The following AGAP1 variants were observed in gnomAD, a reference collection of about 807,000 sequenced individuals.
The protein encoded by AGAP1 is arf-GAP with GTPase, ANK repeat and PH domain-containing protein 1.
A neutral mutation model predicts 105.3 loss-of-function variants in AGAP1; 29 were observed. The ratio of observed to expected loss-of-function variants is 0.28; its 90% CI spans 0.21 to 0.38. AGAP1 has a LOEUF of 0.38. Among genes scored for constraint, AGAP1 ranks in the 10% least tolerant of loss-of-function variants. AGAP1 has a pLI of 1.00. For synonymous variants in AGAP1, 509 were observed against 485.9 expected, an observed-to-expected ratio of 1.05 and a Z score of -0.63; for missense variants, 998 against 1,165.1, an observed-to-expected ratio of 0.86 and a Z score of 2.09.
Position 235,631,992 on chromosome 2 carries a change from T to G in AGAP1, c.164-77187T>G, listed in dbSNP as rs1314699307. Among the ~76,000 whole-genome samples the G allele has an allele frequency of 2.0e-5, 3 of 152,162 alleles. No individual in the cohort carries two copies. The highest frequency in any genetic ancestry group is 7.2e-5 in the African/African-American group (3 of 41,440). ...GGGACAGCAAGGGTCATGTTGGCAT[T>G]GGAAGGGGTCTGGGTTTATGGGGTC... On this transcript the variant is annotated intron_variant, in intron 1 of 17. Transcript: ENST00000304032. The surrounding 1 kb of genome is among the most constrained non-coding windows in gnomAD (Gnocchi z 5.4).
chr2:235,605,414 A>G (rs1251317953), intron 1 of AGAP1, among the ~76,000 whole-genome samples: 1 of 152,238 alleles, frequency 6.6e-6, no homozygotes, highest in Non-Finnish European at 1.5e-5. Flanking sequence ...GCCACATGCG[A>G]AGATTCTAGC....
At position 236,129,670 on chromosome 2, in the gene AGAP1, G is replaced by T. The variant is rs2060057009; in HGVS notation, c.*5548G>T. 1.3e-5 allele frequency: 2 copies of T among 152,172 alleles called. No homozygotes were observed. The highest frequency in any genetic ancestry group is 2.4e-5 in the African/African-American group (1 of 41,430). The allele number at this position is 152,172 out of a possible 1,614,324, so 9.4% of individuals were successfully genotyped here. On this transcript the variant is annotated 3_prime_UTR_variant, in exon 18 of 18. Coordinates refer to ENST00000304032, the MANE Select transcript of AGAP1 (RefSeq NM_001037131.3). The surrounding 1 kb of genome is among the most constrained non-coding windows in gnomAD (Gnocchi z 6.2). Reference sequence around the variant, plus strand: ...CACAAACTTTATTCCCCTTAGAGAAGAAATACTGCCCTTAAATAGACTGTT... The same window carrying T: ...CACAAACTTTATTCCCCTTAGAGAATAAATACTGCCCTTAAATAGACTGTT...
chr2:235,561,902 T>C (rs1380286735), intron 1 of AGAP1, among the ~76,000 whole-genome samples: 1 of 152,170 alleles, frequency 6.6e-6, no homozygotes, highest in Non-Finnish European at 1.5e-5. Context: ...TCTGTCATAT[T>C]TTACAAAATT....
chr2:235,568,474 C>A (rs999249726), intron 1 of AGAP1, among the ~76,000 whole-genome samples: 1 of 152,210 alleles, frequency 6.6e-6, no homozygotes, highest in Non-Finnish European at 1.5e-5. Flanking sequence ...GCCGCTAGCA[C>A]TTAGCATGTG....
rs371521112 is a variant in AGAP1 at position 235,713,899 on chromosome 2, G to A, written c.223-3658G>A. ...TGTGTCCTCACGTGGAGGAAGACGCGAGAGGTCTTTCTCAGGCCTCTTCTA... is the reference window on the plus strand; with the variant it reads ...TGTGTCCTCACGTGGAGGAAGACGCAAGAGGTCTTTCTCAGGCCTCTTCTA... On this transcript the variant is annotated intron_variant, in intron 2 of 17. Coordinates refer to ENST00000304032, the MANE Select transcript of AGAP1 (RefSeq NM_001037131.3). Among the ~76,000 whole-genome samples the A allele has an allele frequency of 1.8e-4, 27 of 152,316 alleles. 1 individual carries two copies. The East Asian group carries it at 4.6e-3, about 26-fold the overall frequency.
chr2:236,108,091 G>A (rs2059545382), intron 16 of AGAP1, among the ~76,000 whole-genome samples: 1 of 152,230 alleles, frequency 6.6e-6, no homozygotes, highest in African/African-American at 2.4e-5. Flanking sequence ...CAGTAATTAA[G>A]GAATAAATAT....
chr2:235,862,674 T>A (rs2048979126), intron 9 of AGAP1, among the ~76,000 whole-genome samples: 1 of 152,382 alleles, frequency 6.6e-6, no homozygotes, highest in East Asian at 1.9e-4. Flanking sequence ...TTTCTTTCTT[T>A]AATCAGGAGG....
Position 235,724,403 on chromosome 2 carries a change from C to A in AGAP1, c.310+6759C>A, listed in dbSNP as rs772074249. Among the ~76,000 whole-genome samples the A allele has an allele frequency of 6.6e-6, 1 of 152,208 alleles. No individual in the cohort carries two copies. The highest frequency in any genetic ancestry group is 1.5e-5 in the Non-Finnish European group (1 of 68,044). Reference sequence around the variant, plus strand: ...CTGCCCCCATGCTCTGTCCCAGAGACGGAACACACTGGTCACTGGGAGATT... The same window carrying A: ...CTGCCCCCATGCTCTGTCCCAGAGAAGGAACACACTGGTCACTGGGAGATT... On this transcript the variant is annotated intron_variant, in intron 3 of 17. Coordinates refer to ENST00000304032, the MANE Select transcript of AGAP1 (RefSeq NM_001037131.3). The surrounding 1 kb of genome is among the most constrained non-coding windows in gnomAD (Gnocchi z 4.9).
intron 12 of AGAP1, among the ~76,000 whole-genome samples, chr2:235,933,316 C>G (rs545973315): frequency 6.6e-6 from 1 of 151,992 alleles, no homozygotes; most frequent in Admixed American, 6.6e-5. Flanking sequence ...AGCCACGAGC[C>G]GCAGTGAAGT....
rs1194564310 is a variant in AGAP1, at chr2:235,976,753, G to C, written c.1645+8130G>C. Among the ~76,000 whole-genome samples, 1 of 152,200 alleles carries C rather than the reference G, an allele frequency of 6.6e-6. No individual in the cohort carries two copies. Among genetic ancestry groups the C allele is most frequent in the Non-Finnish European group, 1.5e-5 (1 of 68,044 alleles). On this transcript the variant is annotated intron_variant, in intron 13 of 17. Coordinates refer to ENST00000304032, the MANE Select transcript of AGAP1 (RefSeq NM_001037131.3). This position sits in a 1 kb window ranked among gnomAD's most constrained non-coding sequence, Gnocchi z 4.5. ...TATGCAGGAGCACAGGGCACCCCCA[G>C]CTGCCTGGAGGACCTCAGGGAGGTT... is the stretch of plus-strand genomic sequence containing the variant.
chr2:235,805,327 T>C (rs1393769036), intron 8 of AGAP1, among the ~76,000 whole-genome samples: 1 of 152,230 alleles, frequency 6.6e-6, no homozygotes, highest in Middle Eastern at 3.2e-3. Flanking sequence ...GGCAATGAGC[T>C]ATTTCTTCCC....
At position 236,001,940 on chromosome 2, in the gene AGAP1, C is replaced by T. The variant is rs1257390731; in HGVS notation, c.1645+33317C>T. ...CATTGCACATACATTCTGAAGCGCT[C>T]ACGCTTTGTTCCTGTGGACATCTCT... On this transcript the variant is annotated intron_variant, in intron 13 of 17. Transcript: ENST00000304032. The surrounding 1 kb of genome is among the most constrained non-coding windows in gnomAD (Gnocchi z 4.7). 6.6e-6 allele frequency among the ~76,000 whole-genome samples: 1 copy of T among 152,156 alleles called. No individual in the cohort carries two copies. The highest frequency in any genetic ancestry group is 1.9e-4 in the East Asian group (1 of 5,178).
In AGAP1 at chr2:235,533,737, T is replaced by C. The variant is rs79020560; in HGVS notation, c.163+38888T>C. Among the ~76,000 whole-genome samples, 373 of 152,326 alleles carry C rather than the reference T, an allele frequency of 2.4e-3. 3 individuals are homozygous for C. The highest frequency in any genetic ancestry group is 8.8e-3 in the African/African-American group (366 of 41,576). On this transcript the variant is annotated intron_variant, in intron 1 of 17. Transcript: ENST00000304032. ...ATCAGTGTTGGGATTTTCTCATGTGTGAGGAGCTGTTACTGCTCCTGTCGC... is the reference window on the plus strand; with the variant it reads ...ATCAGTGTTGGGATTTTCTCATGTGCGAGGAGCTGTTACTGCTCCTGTCGC...
In AGAP1 at chr2:235,753,771, G is replaced by A. The variant is rs151262503; in HGVS notation, c.673+3283G>A. On this transcript the variant is annotated intron_variant, in intron 6 of 17. Coordinates refer to ENST00000304032, the MANE Select transcript of AGAP1 (RefSeq NM_001037131.3). This position sits in a 1 kb window ranked among gnomAD's most constrained non-coding sequence, Gnocchi z 4.5. Reference sequence around the variant, plus strand: ...AAATACCTGTGAAGCTACAACTTCCGTGACTATTGCGATTTTTTTGTCCTT... The same window carrying A: ...AAATACCTGTGAAGCTACAACTTCCATGACTATTGCGATTTTTTTGTCCTT... Among the ~76,000 whole-genome samples, 694 of 151,680 alleles carry A rather than the reference G, an allele frequency of 4.6e-3. 6 individuals carry two copies. Among genetic ancestry groups the A allele is most frequent in the African/African-American group, 0.016 (654 of 41,344 alleles).
Position 235,883,124 on chromosome 2 carries a change from T to C in AGAP1, c.1051-221T>C, listed in dbSNP as rs1404427348. On this transcript the variant is annotated intron_variant, in intron 9 of 17. Transcript: ENST00000304032. This position sits in a 1 kb window ranked among gnomAD's most constrained non-coding sequence, Gnocchi z 4.5. ...AAACATTATACCTTTAGGTGTTTCC[T>C]GTGTGTTTAGCAGTTAATTATCCAA... 3.3e-5 allele frequency among the ~76,000 whole-genome samples: 5 copies of C among 152,324 alleles called. No individual in the cohort carries two copies. The East Asian group carries it at 9.6e-4, about 29-fold the overall frequency.
intron 8 of AGAP1, among the ~76,000 whole-genome samples, chr2:235,802,708 AATG>A (rs1405120248): frequency 1.4e-4 from 6 of 41,490 alleles, no homozygotes; most frequent in Non-Finnish European, 2.5e-4. Context: ...TGGTTGTGAT[AATG>A]ATGGTTGTGG....
At chr2:235,826,064 A>G (rs146379985) in intron 9 of AGAP1, among the ~76,000 whole-genome samples, 9 of 152,144 alleles carry the variant, frequency 5.9e-5, no homozygotes, top group Non-Finnish European at 8.8e-5. Flanking sequence ...AGCGTGGAAG[A>G]GGAGGTGTGC....
At chr2:235,794,607 G>T (rs1011462195) in intron 6 of AGAP1, among the ~76,000 whole-genome samples, 1 of 152,148 alleles carries the variant, frequency 6.6e-6, no homozygotes, top group African/African-American at 2.4e-5. Context: ...AAGTAGTTGG[G>T]ATTACAGGCA....
At chr2:235,819,115 TTC>T (rs1414570571) in intron 9 of AGAP1, among the ~76,000 whole-genome samples, 2,468 of 86,250 alleles carry the variant, frequency 0.029, 71 homozygotes, top group African/African-American at 0.077. Context: ...TTCTTTTCTT[TTC>T]TTTTTTTTTT....
Sources: allele counts gnomAD v4.1 joint callset (sites outside exome capture counted in the v4.1 genomes callset), GRCh38; gene constraint gnomAD v4.1.1; non-coding constraint Gnocchi (gnomAD v3.1); transcripts MANE v1.5; gene names NCBI Gene and HGNC (gene_info 2026-07-23, HGNC 2026-07-21).